Variants in CTNND2 observed in about 807,000 individuals in gnomAD.
CTNND2 encodes catenin delta 2.
A neutral mutation model predicts 144.4 loss-of-function variants in CTNND2; 22 were observed. That is an observed-to-expected ratio of 0.15 (90% CI 0.11 to 0.22). The LOEUF is 0.22. Ranked by LOEUF, CTNND2 falls within the 10% of genes least tolerant of loss-of-function variation. CTNND2 has a pLI of 1.00. For missense variants in CTNND2, 1,353 were observed against 1,618.8 expected (o/e 0.84, Z 2.82); for synonymous variants, 751 against 695.6 (o/e 1.08, Z -1.25).
intron 3 of CTNND2, among the ~76,000 whole-genome samples, chr5:11,553,245 G>C (rs1054715336): frequency 2.6e-5 from 4 of 152,210 alleles, no homozygotes; most frequent in African/African-American, 9.7e-5. Context: ...TGGCCTGCGT[G>C]AAAGGGAAAT....
intron 2 of CTNND2, among the ~76,000 whole-genome samples, chr5:11,628,503 T>A (rs1224558571): frequency 6.6e-6 from 1 of 152,148 alleles, no homozygotes; most frequent in Non-Finnish European, 1.5e-5. Flanking sequence ...TGACACAACA[T>A]GAGTGTGATC....
chr5:11,279,439 G>T, intron 9 of CTNND2, among the ~76,000 whole-genome samples: 1 of 152,052 alleles, frequency 6.6e-6, no homozygotes, highest in East Asian at 1.9e-4. Context: ...CCCCTCTGGT[G>T]CCCCATCATC....
intron 16 of CTNND2, among the ~76,000 whole-genome samples, chr5:11,031,813 G>C (rs1418599968): frequency 7.2e-5 from 11 of 152,222 alleles, no homozygotes; most frequent in Non-Finnish European, 1.5e-5. Flanking sequence ...TTGAACGTCA[G>C]ACTCCAGTTC....
chr5:11,661,388 C>T (rs1783193934), intron 2 of CTNND2, among the ~76,000 whole-genome samples: 1 of 152,146 alleles, frequency 6.6e-6, no homozygotes, highest in African/African-American at 2.4e-5. Context: ...CCATAAGCTA[C>T]TTATTAAGAA....
Position 11,727,246 on chromosome 5 carries a change from A to G in CTNND2, c.174+4890T>C, listed in dbSNP as rs568343872. Among the ~76,000 whole-genome samples the G allele has an allele frequency of 2.0e-5, 3 of 152,264 alleles. No individual in the cohort carries two copies. The South Asian group carries it at 6.2e-4, about 32-fold the overall frequency. On this transcript the variant is annotated intron_variant, in intron 2 of 21. Coordinates refer to ENST00000304623, the MANE Select transcript of CTNND2 (RefSeq NM_001332.4). ...CTTCATACATGAACTTCATAACTTTACATACACACTCATTTTCTTTCTTTA... is the reference window on the plus strand; with the variant it reads ...CTTCATACATGAACTTCATAACTTTGCATACACACTCATTTTCTTTCTTTA...
intron 9 of CTNND2, among the ~76,000 whole-genome samples, chr5:11,334,795 G>A (rs1232135182): frequency 4.6e-5 from 7 of 152,168 alleles, no homozygotes; most frequent in Non-Finnish European, 1.0e-4. Flanking sequence ...CCTTCATGTG[G>A]AGCTTCATCT....
chr5:11,203,707 A>G (rs938008849), intron 10 of CTNND2, among the ~76,000 whole-genome samples: 1 of 152,232 alleles, frequency 6.6e-6, no homozygotes, highest in Non-Finnish European at 1.5e-5. Context: ...CAAATCTTGA[A>G]AGATTTTAGG....
chr5:11,577,510 G>A (rs750671352), intron 2 of CTNND2, among the ~76,000 whole-genome samples: 1 of 152,146 alleles, frequency 6.6e-6, no homozygotes, highest in Non-Finnish European at 1.5e-5. Context: ...TATTTGAGAC[G>A]GACAATGGGA....
intron 2 of CTNND2, among the ~76,000 whole-genome samples, chr5:11,672,844 C>T (rs1429584940): frequency 6.6e-6 from 1 of 152,136 alleles, no homozygotes; most frequent in Non-Finnish European, 1.5e-5. Context: ...CACAGCTTCC[C>T]TTGGCTAGAG....
intron 9 of CTNND2, among the ~76,000 whole-genome samples, chr5:11,308,380 G>T (rs1750471683): frequency 6.6e-6 from 1 of 152,162 alleles, no homozygotes; most frequent in Non-Finnish European, 1.5e-5. Flanking sequence ...CAACTAGCCA[G>T]CTCTGCTGTT....
chr5:11,792,047 G>GTAATGAATTAATAGGATAAATGATGAAGT (rs1358405082), intron 1 of CTNND2, among the ~76,000 whole-genome samples: 10 of 152,116 alleles, frequency 6.6e-5, no homozygotes, highest in African/African-American at 2.4e-4. Flanking sequence ...ATATGATGAA[G>GTAATGAATTAATAGGATAAATGATGAAGT]CTATTCTAAC....
chr5:11,454,555 C>G (rs971125513), intron 3 of CTNND2, among the ~76,000 whole-genome samples: 7 of 151,820 alleles, frequency 4.6e-5, no homozygotes, highest in African/African-American at 1.5e-4. Flanking sequence ...TATGCACTCA[C>G]AAGACATAAT....
chr5:11,130,950 C>T (rs1755536664), intron 12 of CTNND2, among the ~76,000 whole-genome samples: 1 of 152,118 alleles, frequency 6.6e-6, no homozygotes, highest in African/African-American at 2.4e-5. Flanking sequence ...ATCAAGAGGA[C>T]CTCTGTTAAG....
At chr5:11,847,669 G>A (rs1410788528) in intron 1 of CTNND2, among the ~76,000 whole-genome samples, 5 of 152,060 alleles carry the variant, frequency 3.3e-5, no homozygotes, top group Admixed American at 3.3e-4. Flanking sequence ...TAAAAGTGTT[G>A]AATGCGATAA....
intron 10 of CTNND2, among the ~76,000 whole-genome samples, chr5:11,204,580 CTCTTAACATAA>C (rs1313935120): frequency 3.2e-4 from 48 of 152,018 alleles, no homozygotes; most frequent in African/African-American, 1.1e-3. Flanking sequence ...CCATTTGTTA[CTCTTAACATAA>C]TCTGCATATA....
rs754358743 is a variant in CTNND2, at chr5:11,380,017, C to T, written c.1177+4648G>A. Among the ~76,000 whole-genome samples, 53 of 152,150 alleles carry T rather than the reference C, an allele frequency of 3.5e-4. 1 individual carries two copies. The highest frequency in any genetic ancestry group is 5.4e-4 in the Non-Finnish European group (37 of 68,036). ...TCAACTCTGACTTTGTTCTGGCTAC[C>T]GCTTCTTTCTAGTTGCTCCTTTATA... On this transcript the variant is annotated intron_variant, in intron 7 of 21. Transcript: ENST00000304623.
intron 11 of CTNND2, among the ~76,000 whole-genome samples, chr5:11,160,304 T>C (rs1758645534): frequency 6.6e-6 from 1 of 152,238 alleles, no homozygotes; most frequent in African/African-American, 2.4e-5. Context: ...TTGTGACTGT[T>C]TTGTCAGCTT....
intron 3 of CTNND2, among the ~76,000 whole-genome samples, chr5:11,507,946 T>C (rs1046948738): frequency 9.9e-5 from 15 of 151,442 alleles, no homozygotes; most frequent in African/African-American, 3.4e-4. Context: ...TAAGGACAAA[T>C]AAGGCTCGTG....
rs1767929749 is a variant in CTNND2 at position 11,478,139 on chromosome 5, T to C, written c.288-66070A>G. ...CTCTACACTTCTTCTCTCATATATATGCATGGATGGATATAAGTATGTGTG... is the reference window on the plus strand; with the variant it reads ...CTCTACACTTCTTCTCTCATATATACGCATGGATGGATATAAGTATGTGTG... On this transcript the variant is annotated intron_variant, in intron 3 of 21. Transcript: ENST00000304623. Among the ~76,000 whole-genome samples, 3 of 152,190 alleles carry C rather than the reference T, an allele frequency of 2.0e-5. No homozygotes were observed. In the South Asian group the frequency reaches 6.2e-4, roughly 32 times the overall value.
Sources: allele counts gnomAD v4.1 joint callset (sites outside exome capture counted in the v4.1 genomes callset), GRCh38; gene constraint gnomAD v4.1.1; transcripts MANE v1.5; gene names NCBI Gene and HGNC (gene_info 2026-07-23, HGNC 2026-07-21).